Variants in PDLIM5 observed in about 807,000 individuals in gnomAD.
The protein encoded by PDLIM5 is PDZ and LIM domain protein 5.
In PDLIM5, 34 loss-of-function variants were observed where a neutral mutation model predicts 64.2. The observed-to-expected ratio is 0.53, with a 90% CI of 0.40 to 0.71. PDLIM5 has a LOEUF of 0.71. Among genes scored for constraint, PDLIM5 ranks in the 30% least tolerant of loss-of-function variants. PDLIM5 has a pLI of 0.00. For missense variants in PDLIM5, 683 were observed against 733.6 expected (o/e 0.93, Z 0.80); for synonymous variants, 253 against 269.1 (o/e 0.94, Z 0.59).
chr4:94,542,300 A>G (rs976580967), intron 3 of PDLIM5, among the ~76,000 whole-genome samples: 2 of 151,980 alleles, frequency 1.3e-5, no homozygotes, highest in African/African-American at 4.8e-5. Flanking sequence ...GGATAGAGTG[A>G]AACTGTCAAA....
At chr4:94,472,139 AT>A (rs1002794589) in intron 2 of PDLIM5, among the ~76,000 whole-genome samples, 6 of 151,842 alleles carry the variant, frequency 4.0e-5, no homozygotes, top group Non-Finnish European at 7.4e-5. Flanking sequence ...TCTAGAAGCA[AT>A]TTTTTTAATA....
At chr4:94,632,096 G>A (rs1740201803) in intron 8 of PDLIM5, among the ~76,000 whole-genome samples, 1 of 152,248 alleles carries the variant, frequency 6.6e-6, no homozygotes, top group African/African-American at 2.4e-5. Context: ...AAACTTGTGA[G>A]TGAAACTCAG....
chr4:94,473,429 CTT>C (rs1725052183), intron 2 of PDLIM5, among the ~76,000 whole-genome samples: 1 of 151,846 alleles, frequency 6.6e-6, no homozygotes. Context: ...GCCAGGCTAA[CTT>C]TTGTATTTTT....
At chr4:94,550,371 G>A (rs556659751) in intron 3 of PDLIM5, among the ~76,000 whole-genome samples, 17 of 152,230 alleles carry the variant, frequency 1.1e-4, no homozygotes, top group African/African-American at 4.1e-4. Context: ...AAGAGTAAGT[G>A]AATAACAGAA....
chr4:94,453,339 G>C (rs1041961582), intron 1 of PDLIM5, among the ~76,000 whole-genome samples: 3 of 152,174 alleles, frequency 2.0e-5, no homozygotes, highest in Non-Finnish European at 4.4e-5. Context: ...TCCAAATGAA[G>C]CTAGCAGAAG....
intron 3 of PDLIM5, among the ~76,000 whole-genome samples, chr4:94,555,294 A>C (rs1733188463): frequency 6.6e-6 from 1 of 152,202 alleles, no homozygotes; most frequent in Admixed American, 6.5e-5. Flanking sequence ...ACCTCAGGTG[A>C]TCCGCCTGCT....
intron 5 of PDLIM5, chr4:94,579,612 C>CAAAAGAGCTGTAATTAAGTT: frequency 1.5e-6 from 1 of 673,680 alleles, no homozygotes; most frequent in Non-Finnish European, 2.4e-6. Flanking sequence ...CTGATTTTTG[C>CAAAAGAGCTGTAATTAAGTT]AAAATTAAGT....
At chr4:94,472,856 A>G (rs1180570226) in intron 2 of PDLIM5, among the ~76,000 whole-genome samples, 2 of 152,246 alleles carry the variant, frequency 1.3e-5, no homozygotes, top group African/African-American at 4.8e-5. Context: ...CATTCCACAA[A>G]TATTTATTGA....
intron 3 of PDLIM5, among the ~76,000 whole-genome samples, chr4:94,524,914 C>A (rs1730203806): frequency 6.6e-6 from 1 of 151,994 alleles, no homozygotes. Flanking sequence ...TAGCTGTGAA[C>A]CTTCAGCTTT....
At chr4:94,601,834 A>G (rs1447447617) in intron 7 of PDLIM5, among the ~76,000 whole-genome samples, 2 of 152,228 alleles carry the variant, frequency 1.3e-5, no homozygotes, top group Non-Finnish European at 2.9e-5. Context: ...AGTACCAGAA[A>G]TTCCCACCTG....
At chr4:94,583,952 G>A (rs929292890) in intron 5 of PDLIM5, among the ~76,000 whole-genome samples, 1 of 152,186 alleles carries the variant, frequency 6.6e-6, no homozygotes, top group Non-Finnish European at 1.5e-5. Context: ...TGAGCTTAGA[G>A]AAATGACTTG....
At chr4:94,645,712 A>G (rs1455053423) in intron 9 of PDLIM5, among the ~76,000 whole-genome samples, 2 of 152,212 alleles carry the variant, frequency 1.3e-5, no homozygotes, top group Admixed American at 1.3e-4. Flanking sequence ...TAATGTCCAG[A>G]TAATAGATTG....
At chr4:94,496,690 A>T (rs1355832860) in intron 2 of PDLIM5, among the ~76,000 whole-genome samples, 1 of 152,078 alleles carries the variant, frequency 6.6e-6, no homozygotes, top group African/African-American at 2.4e-5. Flanking sequence ...GGGTTTTACC[A>T]TGTTTCCCAG....
intron 2 of PDLIM5, among the ~76,000 whole-genome samples, chr4:94,490,226 G>A (rs1394060650): frequency 6.6e-6 from 1 of 151,686 alleles, no homozygotes; most frequent in East Asian, 1.9e-4. Flanking sequence ...TGTCAACAAT[G>A]ACTAAAATAT....
intron 2 of PDLIM5, among the ~76,000 whole-genome samples, chr4:94,494,655 G>A (rs1727209187): frequency 6.6e-6 from 1 of 150,784 alleles, no homozygotes; most frequent in East Asian, 2.0e-4. Flanking sequence ...GGCTAGGCTG[G>A]TCTCAAACTC....
At chr4:94,579,106 A>C (rs1173795697) in intron 5 of PDLIM5, 1 of 152,902 alleles carries the variant, frequency 6.5e-6, no homozygotes, top group Non-Finnish European at 1.5e-5. Context: ...GAATATTTTA[A>C]ATTAATAGTC....
intron 9 of PDLIM5, among the ~76,000 whole-genome samples, chr4:94,647,849 A>C (rs2902988): frequency 0.019 from 2,826 of 152,326 alleles, 99 homozygotes; most frequent in African/African-American, 0.065. Context: ...AGAAATCAAT[A>C]ACAGAAGAAA....
At chr4:94,519,986 A>G (rs1729688291) in intron 2 of PDLIM5, among the ~76,000 whole-genome samples, 1 of 152,204 alleles carries the variant, frequency 6.6e-6, no homozygotes, top group Non-Finnish European at 1.5e-5. Flanking sequence ...TAATCTAAGT[A>G]CAGATAACTG....
intron 4 of PDLIM5, among the ~76,000 whole-genome samples, chr4:94,575,182 G>A (rs963057624): frequency 6.6e-6 from 1 of 151,804 alleles, no homozygotes; most frequent in African/African-American, 2.4e-5. Context: ...TTGAAAAATG[G>A]GACTATGGGC....
Sources: allele counts gnomAD v4.1 joint callset (sites outside exome capture counted in the v4.1 genomes callset), GRCh38; gene constraint gnomAD v4.1.1; transcripts MANE v1.5; gene names NCBI Gene and HGNC (gene_info 2026-07-23, HGNC 2026-07-21).